CDC25C: variants seen among roughly 807,000 people sequenced by gnomAD.
The protein encoded by CDC25C is cell division cycle 25C, also known as M-phase inducer phosphatase 3.
Under a neutral mutation model 52.5 loss-of-function variants are expected in CDC25C, and 48 were observed. The observed-to-expected ratio is 0.91, with a 90% CI of 0.72 to 1.16. The LOEUF (loss-of-function observed/expected upper bound fraction) is 1.16, where lower values mean the gene tolerates loss of function less well. Among genes scored for constraint, CDC25C ranks in the 50% most tolerant of loss-of-function variants. The probability of loss-of-function intolerance (pLI) is 0.00; values close to 1 mark genes in which losing one functional copy is unlikely to be tolerated. For missense variants in CDC25C, 510 were observed against 566.1 expected (o/e 0.90, Z 1.01); for synonymous variants, 187 against 206.5 (o/e 0.91, Z 0.81).
chr5:138,287,278 A>G lies in CDC25C; in HGVS notation c.928-11T>C. 6.3e-7 allele frequency: 1 copy of G among 1,596,800 alleles called. No individual in the cohort carries two copies. The highest frequency in any genetic ancestry group is 1.1e-5 in the South Asian group (1 of 90,624). On this transcript the variant is annotated splice_polypyrimidine_tract_variant and intron_variant, in intron 10 of 13. Transcript: ENST00000323760. ...CAGTAAGGCAGCCACCTGGACAGAA[A>G]CAATGACTGAATATTCTGCTCACTG...
intron 7 of CDC25C, among the ~76,000 whole-genome samples, chr5:138,314,925 CTTTTT>C (rs35443317): frequency 2.2e-5 from 2 of 90,846 alleles, no homozygotes; most frequent in African/African-American, 8.5e-5. Context: ...CCAGCCAGCA[CTTTTT>C]TTTTTTTTTT....
chr5:138,286,190 G>T, intron 12 of CDC25C, 57 bp from the exon 13 acceptor site: 1 of 1,341,422 alleles, frequency 7.5e-7, no homozygotes, highest in Non-Finnish European at 1.1e-6. Context: ...AGGATCCCAG[G>T]GGCCATTCAC....
intron 7 of CDC25C, among the ~76,000 whole-genome samples, chr5:138,304,369 C>T (rs1757847949): frequency 7.9e-6 from 1 of 126,934 alleles, no homozygotes; most frequent in Admixed American, 9.7e-5. Flanking sequence ...AGACATGTTG[C>T]TGAGGCAGGC....
intron 10 of CDC25C, 22 bp from the exon 11 acceptor site, chr5:138,287,289 A>G: frequency 6.4e-7 from 1 of 1,556,062 alleles, no homozygotes; most frequent in Non-Finnish European, 8.9e-7. Context: ...CAATGACTGA[A>G]TATTCTGCTC....
Position 138,285,588 on chromosome 5 carries a change from A to G in CDC25C, c.*104T>C, listed in dbSNP as rs1357849424. The G allele has an allele frequency of 9.5e-7, 1 of 1,057,206 alleles. No individual in the cohort carries two copies. Among genetic ancestry groups the G allele is most frequent in the Non-Finnish European group, 1.4e-6 (1 of 710,938 alleles). The allele number at this position is 1,057,206 out of a possible 1,614,324, so 65.5% of individuals were successfully genotyped here. A position where few individuals can be genotyped will look rare whatever the true frequency, so the allele number is the denominator to read the frequency against. On this transcript the variant is annotated 3_prime_UTR_variant, in exon 14 of 14. Transcript: ENST00000323760. ...TGGTAGCCTGTTGGTTTGCAGAGAC[A>G]TCTTTTAATAATCTTGGGTTTGGCC... is the stretch of plus-strand genomic sequence containing the variant.
Position 138,319,354 on chromosome 5 carries a change from G to A in CDC25C, c.480C>T (p.Asp160=). 1 of 1,612,384 alleles carries A rather than the reference G, an allele frequency of 6.2e-7. No individual in the cohort carries two copies. Among genetic ancestry groups the A allele is most frequent in the Non-Finnish European group, 8.5e-7 (1 of 1,179,198 alleles). ...GACTGCCCAAATATTTCATTTCACT[G>A]TCCACCAAGTTTCCATTGTCCTGTC... ...NKENDNGNLV[D]SEMKYLGSPI... Residue 160 remains aspartate, a synonymous_variant, in exon 7 of 14, where the codon GAC becomes GAT. Coordinates refer to ENST00000323760, the MANE Select transcript of CDC25C (RefSeq NM_001790.5).
At chr5:138,301,238 C>T (rs753944676) in intron 7 of CDC25C, among the ~76,000 whole-genome samples, 1 of 152,128 alleles carries the variant, frequency 6.6e-6, no homozygotes, top group Non-Finnish European at 1.5e-5. Flanking sequence ...ACAGAGGACA[C>T]ATATAACCAA....
At chr5:138,285,938 A>G (rs1756175440) in intron 13 of CDC25C, 84 bp downstream of exon 13, 2 of 1,543,782 alleles carry the variant, frequency 1.3e-6, no homozygotes, top group South Asian at 2.3e-5. Flanking sequence ...GCTAAGGAGG[A>G]GCAGCAGTTT....
In CDC25C at chr5:138,285,764, C is replaced by T; in HGVS notation, c.1350G>A (p.Gln450=). 6.2e-7 allele frequency: 1 copy of T among 1,614,222 alleles called. No individual in the cohort carries two copies. Among genetic ancestry groups the T allele is most frequent in the African/African-American group, 1.3e-5 (1 of 75,066 alleles). ...GCCGCTCCCCTTCCTGCACTTTGCT[C>T]TGGCTTCGACACCTCAGCAACTCAG... ...HKTELLRCRS[Q]SKVQEGERQL... The change falls in exon 14 of 14, where the codon CAG becomes CAA. Residue 450 remains glutamine, a synonymous_variant. Transcript: ENST00000323760.
chr5:138,286,405 G>A (rs1756234100), intron 12 of CDC25C, 92 bp downstream of exon 12: 1 of 1,333,802 alleles, frequency 7.5e-7, no homozygotes, highest in Non-Finnish European at 1.0e-6. Context: ...TCTTCAAACT[G>A]TAGAATCCAG....
intron 7 of CDC25C, among the ~76,000 whole-genome samples, chr5:138,294,193 ATTTTTTT>A (rs1270076043): frequency 1.7e-5 from 2 of 116,950 alleles, no homozygotes; most frequent in South Asian, 5.4e-4. Context: ...TGCTTGGCTA[ATTTTTTT>A]TTTTTTTTTG....
rs772744315 is a variant in CDC25C at position 138,331,064 on chromosome 5, A to G, written c.117T>C (p.Phe39=). ...LNLLLERDTS[F]TVCPDVPRTP... Reference sequence around the variant, plus strand: ...TTCTAGGGACATCTGGACAGACGGTAAAGGAAGTGTCTCTCTCCAGGAGCA... The same window carrying G: ...TTCTAGGGACATCTGGACAGACGGTGAAGGAAGTGTCTCTCTCCAGGAGCA... The change falls in exon 2 of 14, where the codon TTT becomes TTC. Residue 39 remains phenylalanine (F), a synonymous_variant. Transcript: ENST00000323760. 3 of 1,614,108 alleles carry G rather than the reference A, an allele frequency of 1.9e-6. No individual in the cohort carries two copies. The Admixed American group carries it at 5.0e-5, about 27-fold the overall frequency.
At chr5:138,331,508 C>G (rs1760383270) in intron 1 of CDC25C, 87 bp downstream of exon 1, 2 of 1,049,138 alleles carry the variant, frequency 1.9e-6, no homozygotes, top group Admixed American at 4.1e-5. Flanking sequence ...TCGGCCCTCC[C>G]AACCTCTGTC....
intron 7 of CDC25C, among the ~76,000 whole-genome samples, chr5:138,317,701 A>AAAAAAAAAAAAAAAAC (rs1561706380): frequency 6.7e-6 from 1 of 149,526 alleles, no homozygotes; most frequent in Non-Finnish European, 1.5e-5. Flanking sequence ...AAAAAAAAAA[A>AAAAAAAAAAAAAAAAC]AAAAAACCAA....
At chr5:138,291,512 G>A (rs574003712) in intron 8 of CDC25C, among the ~76,000 whole-genome samples, 28 of 150,302 alleles carry the variant, frequency 1.9e-4, no homozygotes, top group African/African-American at 4.9e-4. Flanking sequence ...TCCACCTCCC[G>A]GGTTCAAGCG....
At position 138,337,955 on chromosome 5, in the gene CDC25C, C is replaced by A; in HGVS notation, c.13+1G>T. 1 of 1,289,340 alleles carries A rather than the reference C, an allele frequency of 7.8e-7. No homozygotes were observed. 79.9% of individuals were successfully genotyped at this position (1,289,340 alleles called of 1,614,324 possible). A position where few individuals can be genotyped will look rare whatever the true frequency, so the allele number is the denominator to read the frequency against. ...AGGGCAGGGGCGATGCCTTTGTTTACCTTCTTCCGACATGGCCTCCCCCGC... is the reference window on the plus strand; with the variant it reads ...AGGGCAGGGGCGATGCCTTTGTTTAACTTCTTCCGACATGGCCTCCCCCGC... On this transcript the variant is annotated splice_donor_variant, in intron 1 of 5. Coordinates refer to the CDC25C transcript ENST00000510119. LOFTEE classifies it high-confidence loss of function.
chr5:138,331,594 C>A lies in CDC25C; in HGVS notation c.-39+1G>T. 9.7e-7 allele frequency: 1 copy of A among 1,030,422 alleles called. No homozygotes were observed. Among genetic ancestry groups the A allele is most frequent in the Non-Finnish European group, 1.2e-6 (1 of 856,320 alleles). 63.8% of individuals were successfully genotyped at this position (1,030,422 alleles called of 1,614,324 possible). A position where few individuals can be genotyped will look rare whatever the true frequency, so the allele number is the denominator to read the frequency against. On this transcript the variant is annotated splice_donor_variant, in intron 1 of 13. Coordinates refer to ENST00000323760, the MANE Select transcript of CDC25C (RefSeq NM_001790.5). LOFTEE classifies it low-confidence loss of function (5UTR_SPLICE). ...CGTGGCGGAGACGGCTGCGGACTTA[C>A]CTCAAGCCTGGAGTCTGAGGCTTGC... is the stretch of plus-strand genomic sequence containing the variant.
chr5:138,305,469 A>C (rs1757938016), intron 7 of CDC25C, among the ~76,000 whole-genome samples: 1 of 152,168 alleles, frequency 6.6e-6, no homozygotes, highest in Non-Finnish European at 1.5e-5. Context: ...AGGCATGATC[A>C]TGGCTCACTG....
At chr5:138,304,514 T>C (rs1312413010) in intron 7 of CDC25C, among the ~76,000 whole-genome samples, 1 of 150,130 alleles carries the variant, frequency 6.7e-6, no homozygotes, top group Non-Finnish European at 1.5e-5. Flanking sequence ...TTTTTTTTTT[T>C]CTCCTTTTTG....
Sources: gnomAD v4.1 joint callset for allele counts (sites outside exome capture counted in the v4.1 genomes callset) on GRCh38, gnomAD v4.1.1 for gene constraint, MANE v1.5 for transcripts, NCBI Gene and HGNC (gene_info 2026-07-23, HGNC 2026-07-21) for gene names.